Variants in ARB2A observed in about 807,000 individuals in gnomAD.
ARB2A encodes the protein cotranscriptional regulator ARB2A.
chr5:93,662,913 C>T, the ARB2A span, among the ~76,000 whole-genome samples: 1 of 152,188 alleles, frequency 6.6e-6, no homozygotes, highest in South Asian at 2.1e-4. Context: ...AATCAAGGTG[C>T]TGGCAGGTTT....
chr5:93,787,739 C>T, the ARB2A span, among the ~76,000 whole-genome samples: 1 of 152,132 alleles, frequency 6.6e-6, no homozygotes, highest in Non-Finnish European at 1.5e-5. Flanking sequence ...TTCATATATA[C>T]AGCATTTCAT....
At chr5:93,865,629 C>T in the ARB2A span, 1 of 985,340 alleles carries the variant, frequency 1.0e-6, no homozygotes, top group Non-Finnish European at 1.2e-6. Context: ...TTTATTTAAT[C>T]TGGCCATTTA....
chr5:94,014,396 T>C, the ARB2A span, among the ~76,000 whole-genome samples: 2 of 151,944 alleles, frequency 1.3e-5, no homozygotes, highest in Non-Finnish European at 2.9e-5. Context: ...AAAGAATCTA[T>C]CTCTAAGCAA....
At chr5:93,678,947 C>T in the ARB2A span, among the ~76,000 whole-genome samples, 5 of 152,184 alleles carry the variant, frequency 3.3e-5, no homozygotes, top group African/African-American at 7.2e-5. Context: ...GAATTACCAT[C>T]GGCAATGTTT....
the ARB2A span, among the ~76,000 whole-genome samples, chr5:93,670,313 A>G: frequency 6.6e-6 from 1 of 152,182 alleles, no homozygotes; most frequent in Admixed American, 6.5e-5. Flanking sequence ...CTGTACTTAC[A>G]AGAAAATAAA....
the ARB2A span, among the ~76,000 whole-genome samples, chr5:93,957,426 A>G: frequency 0.021 from 3,260 of 152,274 alleles, 47 homozygotes; most frequent in Non-Finnish European, 0.033. Context: ...GATCTGTTCT[A>G]ACTACAAACA....
chr5:93,660,619 G>T, the ARB2A span, among the ~76,000 whole-genome samples: 2 of 152,140 alleles, frequency 1.3e-5, no homozygotes, highest in Non-Finnish European at 2.9e-5. Context: ...ACAAGAGTGT[G>T]ATGGACACAG....
At chr5:94,024,874 G>A in the ARB2A span, among the ~76,000 whole-genome samples, 201 of 152,210 alleles carry the variant, frequency 1.3e-3, 1 homozygote, top group African/African-American at 4.5e-3. Flanking sequence ...ACTAAAAAAC[G>A]CAAGTAGGTT....
the ARB2A span, among the ~76,000 whole-genome samples, chr5:93,642,113 T>A: frequency 1.3e-5 from 2 of 151,988 alleles, no homozygotes; most frequent in Non-Finnish European, 2.9e-5. Context: ...CTGGAGCAGC[T>A]GGGACCACTG....
chr5:93,842,974 C>G, the ARB2A span, among the ~76,000 whole-genome samples: 1 of 152,172 alleles, frequency 6.6e-6, no homozygotes, highest in South Asian at 2.1e-4. Flanking sequence ...CCCAAACCCC[C>G]GGGCCTTCAT....
the ARB2A span, among the ~76,000 whole-genome samples, chr5:93,831,365 C>A: frequency 6.6e-6 from 1 of 151,446 alleles, no homozygotes; most frequent in Non-Finnish European, 1.5e-5. Context: ...AACTCTTTAG[C>A]CAACATCTTC....
the ARB2A span, among the ~76,000 whole-genome samples, chr5:93,930,928 T>A: frequency 6.6e-6 from 1 of 152,272 alleles, no homozygotes; most frequent in African/African-American, 2.4e-5. Context: ...TATCAACCTG[T>A]CATCTAGGTT....
chr5:93,783,913 G>C, the ARB2A span, among the ~76,000 whole-genome samples: 4 of 152,244 alleles, frequency 2.6e-5, no homozygotes, highest in East Asian at 5.8e-4. Flanking sequence ...CAGTATTTCA[G>C]CTTTTTTCTT....
chr5:93,864,016 G>C, the ARB2A span, among the ~76,000 whole-genome samples: 15 of 152,138 alleles, frequency 9.9e-5, no homozygotes, highest in African/African-American at 3.6e-4. Context: ...CTAATATTTG[G>C]TGTACCCACT....
the ARB2A span, among the ~76,000 whole-genome samples, chr5:93,933,465 T>C: frequency 1.3e-5 from 2 of 152,138 alleles, no homozygotes; most frequent in Non-Finnish European, 2.9e-5. Context: ...TGGAGTACTA[T>C]GCAGCCATAA....
the ARB2A span, among the ~76,000 whole-genome samples, chr5:94,098,025 T>C: frequency 6.6e-6 from 1 of 152,184 alleles, no homozygotes; most frequent in South Asian, 2.1e-4. Context: ...AACAAAGCTG[T>C]GAGCCTGGAC....
At chr5:93,939,794 A>AT in the ARB2A span, among the ~76,000 whole-genome samples, 5 of 152,088 alleles carry the variant, frequency 3.3e-5, no homozygotes, top group African/African-American at 4.8e-5. Context: ...TTCATTCAGA[A>AT]TTTAAGTTAT....
At chr5:94,065,820 T>C in the ARB2A span, among the ~76,000 whole-genome samples, 1 of 152,172 alleles carries the variant, frequency 6.6e-6, no homozygotes, top group Non-Finnish European at 1.5e-5. Flanking sequence ...AGACAGATCA[T>C]CTAGGCAGAA....
At chr5:93,822,640 A>C in the ARB2A span, among the ~76,000 whole-genome samples, 1 of 152,016 alleles carries the variant, frequency 6.6e-6, no homozygotes, top group African/African-American at 2.4e-5. Flanking sequence ...AGATATATAT[A>C]TCTATATAGC....
Sources: gnomAD v4.1 joint callset for allele counts (sites outside exome capture counted in the v4.1 genomes callset) on GRCh38, gnomAD v4.1.1 for gene constraint, MANE v1.5 for transcripts, NCBI Gene and HGNC (gene_info 2026-07-23, HGNC 2026-07-21) for gene names.